Variants in SGSM1 observed in about 807,000 individuals in gnomAD.
SGSM1 encodes small G protein signaling modulator 1.
In SGSM1, 73 loss-of-function variants were observed where a neutral mutation model predicts 133.8. The observed-to-expected ratio is 0.55, with a 90% CI of 0.45 to 0.66. SGSM1 has a LOEUF of 0.66. Ranked by LOEUF, SGSM1 falls within the 30% of genes least tolerant of loss-of-function variation. The pLI is 0.00. For missense variants in SGSM1, 1,213 were observed against 1,448.1 expected, an observed-to-expected ratio of 0.84 and a Z score of 2.64; for synonymous variants, 563 against 573.0, an observed-to-expected ratio of 0.98 and a Z score of 0.25.
chr22:24,859,826 G>A lies in SGSM1; in HGVS notation c.912G>A (p.Leu304=), dbSNP rs761530356. ...TGATGAACGGGTCTGTGGGGGACCTGGACTATGAGAAGAGGTAGGGCACTG... is the reference window on the plus strand; with the variant it reads ...TGATGAACGGGTCTGTGGGGGACCTAGACTATGAGAAGAGGTAGGGCACTG... The part of the protein sequence containing the change: ...NQLMNGSVGD[L]DYEKSVYWDY... Residue 304 remains leucine (L), a synonymous_variant, in exon 9 of 25, where the codon CTG becomes CTA. Coordinates refer to ENST00000400358, the MANE Select transcript of SGSM1 (RefSeq NM_001098497.3). 1 of 1,613,818 alleles carries A rather than the reference G, an allele frequency of 6.2e-7. No individual in the cohort carries two copies. Among genetic ancestry groups the A allele is most frequent in the Non-Finnish European group, 8.5e-7 (1 of 1,179,814 alleles).
chr22:24,870,989 C>G (rs1321333069), intron 12 of SGSM1, among the ~76,000 whole-genome samples: 1 of 152,198 alleles, frequency 6.6e-6, no homozygotes, highest in Non-Finnish European at 1.5e-5. Flanking sequence ...GTACTTGGAT[C>G]CTTGTCTGCC....
At chr22:24,812,311 C>A (rs766653889) in intron 2 of SGSM1, among the ~76,000 whole-genome samples, 8 of 152,140 alleles carry the variant, frequency 5.3e-5, no homozygotes, top group Non-Finnish European at 1.0e-4. Flanking sequence ...CATAAAAGCC[C>A]TAAGGGAGAG....
At chr22:24,899,964 A>G (rs956922871) in intron 19 of SGSM1, among the ~76,000 whole-genome samples, 1 of 150,456 alleles carries the variant, frequency 6.6e-6, no homozygotes, top group Non-Finnish European at 1.5e-5. Context: ...ATTTTTTAAC[A>G]TTTTATTTGG....
intron 2 of SGSM1, among the ~76,000 whole-genome samples, chr22:24,825,810 G>T (rs1321430265): frequency 6.6e-6 from 1 of 152,156 alleles, no homozygotes; most frequent in Non-Finnish European, 1.5e-5. Flanking sequence ...AGTTTCTTCC[G>T]GAGGTAAGCG....
intron 13 of SGSM1, among the ~76,000 whole-genome samples, chr22:24,878,954 A>C (rs1932171798): frequency 1.3e-5 from 2 of 152,224 alleles, no homozygotes; most frequent in Non-Finnish European, 2.9e-5. Context: ...TCGAAATAGG[A>C]ATCTCTGTTT....
chr22:24,861,188 A>G (rs568330505), intron 9 of SGSM1, among the ~76,000 whole-genome samples: 1 of 150,650 alleles, frequency 6.6e-6, no homozygotes. Context: ...CCCTGTCTCT[A>G]CTAAAAATAC....
chr22:24,887,668 A>G (rs1310347562), intron 16 of SGSM1, among the ~76,000 whole-genome samples: 1 of 145,460 alleles, frequency 6.9e-6, no homozygotes, highest in Non-Finnish European at 1.5e-5. Context: ...AAACTTTCAC[A>G]GTAGCACATG....
chr22:24,833,902 A>G (rs1929272641), intron 2 of SGSM1, among the ~76,000 whole-genome samples: 2 of 152,214 alleles, frequency 1.3e-5, no homozygotes, highest in African/African-American at 4.8e-5. Context: ...CTAGTTGGTG[A>G]CAGAGCTAGA....
chr22:24,893,926 G>T (rs1485777772), intron 17 of SGSM1, among the ~76,000 whole-genome samples: 2 of 152,222 alleles, frequency 1.3e-5, no homozygotes, highest in African/African-American at 4.8e-5. Flanking sequence ...TGTATATAAA[G>T]TGCCTGGCGC....
intron 2 of SGSM1, among the ~76,000 whole-genome samples, chr22:24,825,275 T>C (rs190127654): frequency 1.3e-5 from 2 of 152,274 alleles, no homozygotes; most frequent in Admixed American, 1.3e-4. Flanking sequence ...TGTTGGTCCA[T>C]GCAACTTATC....
intron 2 of SGSM1, among the ~76,000 whole-genome samples, chr22:24,812,177 G>A (rs8136308): frequency 0.28 from 29,398 of 105,502 alleles, 4,534 homozygotes; most frequent in African/African-American, 0.54. Context: ...CTCAAAAAAA[G>A]AAAAAAAAAA....
At chr22:24,915,540 A>T (rs903766231) in intron 22 of SGSM1, among the ~76,000 whole-genome samples, 6 of 151,994 alleles carry the variant, frequency 3.9e-5, no homozygotes, top group Admixed American at 2.0e-4. Context: ...GTGATTTATA[A>T]TTTTTTTTAT....
chr22:24,833,128 T>C (rs9612782), intron 2 of SGSM1, among the ~76,000 whole-genome samples: 28,420 of 150,296 alleles, frequency 0.19, 2,805 homozygotes, highest in Non-Finnish European at 0.23. Flanking sequence ...AGAGATGGGG[T>C]TTCACCATGT....
chr22:24,927,510 AC>A lies in SGSM1; in HGVS notation c.*3240del, dbSNP rs1230250195. ...GAGCATGGGCCAGGCACAGTGGCTT[AC>A]CCCTGTAATCCCAGCACTTTGGGAG... On this transcript the variant is annotated 3_prime_UTR_variant, in exon 25 of 25. Transcript: ENST00000400358. The A allele has an allele frequency of 2.0e-5, 3 of 152,272 alleles. No homozygotes were observed. The highest frequency in any genetic ancestry group is 4.4e-5 in the Non-Finnish European group (3 of 68,130). The allele number at this position is 152,272 out of a possible 1,614,324, so 9.4% of individuals were successfully genotyped here.
chr22:24,860,403 A>G (rs899388279), intron 9 of SGSM1, among the ~76,000 whole-genome samples: 3 of 152,130 alleles, frequency 2.0e-5, no homozygotes. Flanking sequence ...TGGTTCAAAT[A>G]TTTTAGCTTG....
intron 2 of SGSM1, among the ~76,000 whole-genome samples, chr22:24,815,614 G>A (rs5752007): frequency 0.097 from 14,762 of 152,144 alleles, 1,074 homozygotes; most frequent in East Asian, 0.22. Flanking sequence ...GCGTGGTGGC[G>A]GGCGCCTGTA....
chr22:24,851,322 T>C (rs1930453671), intron 5 of SGSM1, among the ~76,000 whole-genome samples: 2 of 151,268 alleles, frequency 1.3e-5, no homozygotes, highest in Non-Finnish European at 2.9e-5. Flanking sequence ...ACCTTTCATG[T>C]CACAGAGCTT....
chr22:24,855,323 G>A lies in SGSM1; in HGVS notation c.562G>A (p.Ala188Thr), dbSNP rs1156962864. ...CALEYTKMKT[A>T]DHFWTDPSAD... ...CCTAGAGTACACCAAGATGAAGACTGCAGATCACTTCTGGACCGATCCCTC... is the reference window on the plus strand; with the variant it reads ...CCTAGAGTACACCAAGATGAAGACTACAGATCACTTCTGGACCGATCCCTC... Residue 188 changes from alanine to threonine, a missense_variant, in exon 7 of 25, where the codon GCA (alanine) becomes ACA (threonine). Ala to Thr is a moderately conservative substitution (Grantham distance 58, BLOSUM62 0). Transcript: ENST00000400358. 1.2e-6 allele frequency: 2 copies of A among 1,612,856 alleles called. No homozygotes were observed. The highest frequency in any genetic ancestry group is 3.3e-5 in the Admixed American group (2 of 59,878).
chr22:24,881,674 T>A (rs1932341914), intron 14 of SGSM1, among the ~76,000 whole-genome samples: 1 of 152,196 alleles, frequency 6.6e-6, no homozygotes, highest in Admixed American at 6.5e-5. Flanking sequence ...TGTGTAAGTG[T>A]TAGCTATTAT....
Sources: allele counts gnomAD v4.1 joint callset (sites outside exome capture counted in the v4.1 genomes callset), GRCh38; gene constraint gnomAD v4.1.1; transcripts MANE v1.5; gene names NCBI Gene and HGNC (gene_info 2026-07-23, HGNC 2026-07-21).